The following NKAIN2 variants were observed in gnomAD, a reference collection of about 807,000 sequenced individuals.
NKAIN2 encodes sodium/potassium transporting ATPase interacting 2.
Under a neutral mutation model 32.6 loss-of-function variants are expected in NKAIN2, and 14 were observed. The observed-to-expected ratio is 0.43, with a 90% confidence interval of 0.28 to 0.67. The LOEUF is 0.67. NKAIN2 is among the 30% of genes least tolerant of loss of function. NKAIN2 has a pLI of 0.17. For synonymous variants in NKAIN2, 80 were observed against 87.2 expected, an observed-to-expected ratio of 0.92 and a Z score of 0.46; for missense variants, 198 against 258.3, an observed-to-expected ratio of 0.77 and a Z score of 1.60.
intron 3 of NKAIN2, among the ~76,000 whole-genome samples, chr6:124,596,363 A>G (rs1426345294): frequency 6.6e-6 from 1 of 152,142 alleles, no homozygotes; most frequent in Non-Finnish European, 1.5e-5. Context: ...AGAAAGGCTC[A>G]CACATGAGAG....
intron 1 of NKAIN2, among the ~76,000 whole-genome samples, chr6:123,925,437 A>G (rs764764581): frequency 2.0e-5 from 3 of 152,316 alleles, no homozygotes; most frequent in African/African-American, 4.8e-5. Flanking sequence ...CCTCCTGGGT[A>G]TCTGTTAAAA....
intron 1 of NKAIN2, among the ~76,000 whole-genome samples, chr6:124,007,225 C>T (rs748112141): frequency 1.2e-4 from 19 of 152,100 alleles, no homozygotes; most frequent in African/African-American, 2.2e-4. Flanking sequence ...AATACAAATA[C>T]GGTATTATAG....
chr6:123,911,903 C>T (rs1246314829), intron 1 of NKAIN2, among the ~76,000 whole-genome samples: 1 of 148,562 alleles, frequency 6.7e-6, no homozygotes, highest in Non-Finnish European at 1.5e-5. Context: ...TCAAACTGGG[C>T]ATCAACCAAC....
At chr6:124,558,689 C>T (rs551908377) in intron 3 of NKAIN2, among the ~76,000 whole-genome samples, 38 of 152,164 alleles carry the variant, frequency 2.5e-4, no homozygotes, top group Middle Eastern at 3.4e-3. Context: ...GGCTCAAGCC[C>T]GTAATCCCAG....
intron 1 of NKAIN2, among the ~76,000 whole-genome samples, chr6:123,874,191 C>G (rs1157034242): frequency 1.3e-5 from 2 of 152,134 alleles, no homozygotes; most frequent in Non-Finnish European, 2.9e-5. Flanking sequence ...AGCTGTGCAT[C>G]CTGCCGGACT....
chr6:124,098,872 G>T (rs750594182), intron 1 of NKAIN2, among the ~76,000 whole-genome samples: 3 of 151,586 alleles, frequency 2.0e-5, no homozygotes, highest in Non-Finnish European at 4.4e-5. Flanking sequence ...TCTGTTTCAA[G>T]AAAAATAATA....
At chr6:124,360,897 A>G (rs1232140101) in intron 3 of NKAIN2, among the ~76,000 whole-genome samples, 1 of 152,174 alleles carries the variant, frequency 6.6e-6, no homozygotes, top group Non-Finnish European at 1.5e-5. Flanking sequence ...ACGGTTTGAA[A>G]TTGCCTTTGG....
chr6:124,342,863 G>A (rs1798201499), intron 2 of NKAIN2, among the ~76,000 whole-genome samples: 1 of 142,860 alleles, frequency 7.0e-6, no homozygotes, highest in Non-Finnish European at 1.5e-5. Context: ...TAAGTTTTAG[G>A]GTACATGTGC....
At chr6:124,076,455 GTC>G (rs1783700288) in intron 1 of NKAIN2, among the ~76,000 whole-genome samples, 1 of 152,126 alleles carries the variant, frequency 6.6e-6, no homozygotes, top group Admixed American at 6.6e-5. Context: ...TGGATTGAAG[GTC>G]TCTATTTTGC....
At chr6:124,607,306 T>C (rs577365936) in intron 3 of NKAIN2, among the ~76,000 whole-genome samples, 1 of 152,254 alleles carries the variant, frequency 6.6e-6, no homozygotes, top group Non-Finnish European at 1.5e-5. Context: ...TCTTCATGGA[T>C]TGGGCAGCAT....
chr6:124,554,205 G>C (rs1780391854), intron 3 of NKAIN2, among the ~76,000 whole-genome samples: 1 of 152,138 alleles, frequency 6.6e-6, no homozygotes, highest in Non-Finnish European at 1.5e-5. Context: ...CTCTTTCCTG[G>C]AGGTACGTTT....
At chr6:124,510,210 G>T (rs552062718) in intron 3 of NKAIN2, among the ~76,000 whole-genome samples, 2 of 151,782 alleles carry the variant, frequency 1.3e-5, no homozygotes, top group African/African-American at 4.8e-5. Context: ...GAACCTTAGA[G>T]ACCAAGTCTA....
At chr6:124,384,462 G>T (rs943462146) in intron 3 of NKAIN2, among the ~76,000 whole-genome samples, 9 of 152,062 alleles carry the variant, frequency 5.9e-5, no homozygotes, top group Non-Finnish European at 1.3e-4. Context: ...AGACCGCATT[G>T]ATAATTTGAT....
intron 3 of NKAIN2, among the ~76,000 whole-genome samples, chr6:124,432,101 G>A (rs901918229): frequency 2.0e-5 from 3 of 152,110 alleles, no homozygotes; most frequent in African/African-American, 7.2e-5. Context: ...TATTGTAAGT[G>A]TCACAATTGT....
chr6:123,910,991 A>G (rs972975333), intron 1 of NKAIN2, among the ~76,000 whole-genome samples: 1 of 152,152 alleles, frequency 6.6e-6, no homozygotes, highest in African/African-American at 2.4e-5. Context: ...ATGAGAGGAT[A>G]TTATTCAACT....
chr6:124,137,168 T>G (rs1786847933), intron 1 of NKAIN2, among the ~76,000 whole-genome samples: 1 of 152,104 alleles, frequency 6.6e-6, no homozygotes, highest in Non-Finnish European at 1.5e-5. Context: ...AATTTCATGG[T>G]ACAAAGTCAA....
intron 3 of NKAIN2, among the ~76,000 whole-genome samples, chr6:124,356,769 A>G (rs1247420813): frequency 6.6e-6 from 1 of 152,124 alleles, no homozygotes; most frequent in Non-Finnish European, 1.5e-5. Flanking sequence ...TGCCCAATTT[A>G]TACATCTCTG....
intron 3 of NKAIN2, among the ~76,000 whole-genome samples, chr6:124,498,200 A>C (rs1318424467): frequency 1.3e-5 from 2 of 152,170 alleles, no homozygotes; most frequent in East Asian, 3.9e-4. Context: ...ACTGTGAGTC[A>C]GGTGATGTGT....
chr6:124,114,272 T>C (rs1001037572), intron 1 of NKAIN2, among the ~76,000 whole-genome samples: 1 of 152,068 alleles, frequency 6.6e-6, no homozygotes, highest in African/African-American at 2.4e-5. Context: ...TTTATGATGA[T>C]TGGATATTGT....
Sources: gnomAD v4.1 joint callset for allele counts (sites outside exome capture counted in the v4.1 genomes callset) on GRCh38, gnomAD v4.1.1 for gene constraint, MANE v1.5 for transcripts, NCBI Gene and HGNC (gene_info 2026-07-23, HGNC 2026-07-21) for gene names.